The following NALF1 variants were observed in gnomAD, a reference collection of about 807,000 sequenced individuals.
NALF1 encodes family with sequence similarity 155 member A.
NALF1 carries 3 observed loss-of-function variants against 48.4 expected under a neutral mutation model. The ratio of observed to expected loss-of-function variants is 0.06; its 90% CI spans 0.03 to 0.16. The LOEUF (loss-of-function observed/expected upper bound fraction) is 0.16, where lower values mean the gene tolerates loss of function less well. NALF1 is among the 10% of genes least tolerant of loss of function. The pLI, the probability that NALF1 is intolerant of heterozygous loss-of-function variation, is 1.00. For missense variants in NALF1, 526 were observed against 571.5 expected, an observed-to-expected ratio of 0.92 and a Z score of 0.81; for synonymous variants, 262 against 245.7, an observed-to-expected ratio of 1.07 and a Z score of -0.62.
chr13:107,562,730 T>C (rs893592403), intron 1 of NALF1, among the ~76,000 whole-genome samples: 2 of 152,222 alleles, frequency 1.3e-5, no homozygotes, highest in African/African-American at 4.8e-5. Flanking sequence ...GACTATGCCT[T>C]GTGCTCCTGG....
chr13:107,302,317 A>G (rs1473414239), intron 1 of NALF1, among the ~76,000 whole-genome samples: 1 of 152,200 alleles, frequency 6.6e-6, no homozygotes, highest in African/African-American at 2.4e-5. Flanking sequence ...ACCCAGTTTC[A>G]AGTATTCTGT....
At chr13:107,798,562 T>G (rs1054257412) in intron 1 of NALF1, among the ~76,000 whole-genome samples, 1 of 152,214 alleles carries the variant, frequency 6.6e-6, no homozygotes, top group Admixed American at 6.5e-5. Flanking sequence ...CTCGTGTTTG[T>G]GTTCCTCACC....
chr13:107,274,006 A>G (rs376508542), intron 1 of NALF1, among the ~76,000 whole-genome samples: 188 of 150,882 alleles, frequency 1.2e-3, no homozygotes, highest in Middle Eastern at 6.9e-3. Flanking sequence ...CTGAGAAACT[A>G]CATTCACTGA....
chr13:107,778,151 T>G (rs1333661364), intron 1 of NALF1, among the ~76,000 whole-genome samples: 1 of 152,180 alleles, frequency 6.6e-6, no homozygotes, highest in Non-Finnish European at 1.5e-5. Context: ...GGGTGACTGT[T>G]TAACAGGAGT....
chr13:107,498,692 A>C, intron 1 of NALF1, among the ~76,000 whole-genome samples: 1 of 152,196 alleles, frequency 6.6e-6, no homozygotes, highest in East Asian at 1.9e-4. Flanking sequence ...ATGAAAGAAT[A>C]TACTTATGAA....
intron 1 of NALF1, among the ~76,000 whole-genome samples, chr13:107,272,513 C>T (rs373568774): frequency 1.1e-4 from 2 of 18,624 alleles, no homozygotes; most frequent in East Asian, 1.6e-3. Flanking sequence ...CGCGCCCGGC[C>T]TAGAATTTTT....
intron 1 of NALF1, among the ~76,000 whole-genome samples, chr13:107,361,321 C>A (rs1227113135): frequency 6.6e-6 from 1 of 152,054 alleles, no homozygotes; most frequent in East Asian, 1.9e-4. Flanking sequence ...ACCGAATGAA[C>A]AAGAAACTTG....
intron 1 of NALF1, among the ~76,000 whole-genome samples, chr13:107,282,835 T>A (rs1183087207): frequency 6.6e-6 from 1 of 152,224 alleles, no homozygotes; most frequent in Non-Finnish European, 1.5e-5. Context: ...GCTAATCTAC[T>A]TCCCAAATCC....
intron 1 of NALF1, among the ~76,000 whole-genome samples, chr13:107,798,251 C>A (rs983393388): frequency 4.6e-5 from 7 of 152,094 alleles, no homozygotes; most frequent in Non-Finnish European, 8.8e-5. Context: ...CCTTTGCATG[C>A]AAAATTACTT....
intron 1 of NALF1, among the ~76,000 whole-genome samples, chr13:107,487,808 C>T (rs565718496): frequency 3.3e-5 from 5 of 151,902 alleles, no homozygotes; most frequent in Admixed American, 6.6e-5. Flanking sequence ...TGGGTTAGGG[C>T]GGACTCCCTT....
chr13:107,863,967 T>C (rs1412918587), intron 1 of NALF1, among the ~76,000 whole-genome samples: 2 of 152,200 alleles, frequency 1.3e-5, no homozygotes, highest in Admixed American at 1.3e-4. Context: ...GAGGCAAATA[T>C]AATTATTACA....
chr13:107,247,806 C>A (rs1450553584), intron 1 of NALF1, among the ~76,000 whole-genome samples: 2 of 151,994 alleles, frequency 1.3e-5, no homozygotes, highest in Non-Finnish European at 2.9e-5. Context: ...GAAGCAGAAA[C>A]AAATAATAAC....
intron 1 of NALF1, among the ~76,000 whole-genome samples, chr13:107,860,397 A>G (rs886108334): frequency 1.3e-5 from 2 of 152,228 alleles, no homozygotes; most frequent in Non-Finnish European, 2.9e-5. Flanking sequence ...TTCTATATCA[A>G]TTGTCACTGT....
At chr13:107,765,985 T>C (rs540949304) in intron 1 of NALF1, among the ~76,000 whole-genome samples, 1 of 150,336 alleles carries the variant, frequency 6.7e-6, no homozygotes, top group East Asian at 2.0e-4. Context: ...AAAAAATAGC[T>C]ATGTTTTAGC....
intron 1 of NALF1, among the ~76,000 whole-genome samples, chr13:107,495,564 T>C (rs1157553395): frequency 1.3e-5 from 2 of 152,196 alleles, no homozygotes; most frequent in Non-Finnish European, 2.9e-5. Context: ...GTGTCTTGTA[T>C]ACCCTGTAGA....
At position 107,168,037 on chromosome 13, in the gene NALF1, C is replaced by G. The variant is rs553823004; in HGVS notation, c.*2460G>C. On this transcript the variant is annotated 3_prime_UTR_variant, in exon 3 of 3. Transcript: ENST00000375915. Reference sequence around the variant, plus strand: ...TAAAAGTGAGTGGAATTTGCACTTGCATTGTCATTTTCCTGCAAGAATGGA... The same window carrying G: ...TAAAAGTGAGTGGAATTTGCACTTGGATTGTCATTTTCCTGCAAGAATGGA... 6.6e-6 allele frequency: 1 copy of G among 152,356 alleles called. No individual in the cohort carries two copies. Among genetic ancestry groups the G allele is most frequent in the East Asian group, 1.9e-4 (1 of 5,180 alleles). The allele number at this position is 152,356 out of a possible 1,614,324, so 9.4% of individuals were successfully genotyped here.
At chr13:107,503,699 A>G (rs1229817360) in intron 1 of NALF1, among the ~76,000 whole-genome samples, 2 of 151,790 alleles carry the variant, frequency 1.3e-5, no homozygotes, top group African/African-American at 4.8e-5. Context: ...GAAACAACCT[A>G]AATGTCCATC....
intron 1 of NALF1, among the ~76,000 whole-genome samples, chr13:107,376,008 A>C (rs1883329560): frequency 1.3e-5 from 2 of 151,916 alleles, no homozygotes; most frequent in African/African-American, 4.8e-5. Context: ...GTGTTTTGAG[A>C]CTCTGAGGCT....
chr13:107,830,273 A>C (rs890264760), intron 1 of NALF1, among the ~76,000 whole-genome samples: 4 of 152,168 alleles, frequency 2.6e-5, no homozygotes, highest in African/African-American at 9.7e-5. Context: ...CGTTCCTTTA[A>C]ATGTCGTTGT....
Sources: gnomAD v4.1 joint callset for allele counts (sites outside exome capture counted in the v4.1 genomes callset) on GRCh38, gnomAD v4.1.1 for gene constraint, MANE v1.5 for transcripts, NCBI Gene and HGNC (gene_info 2026-07-23, HGNC 2026-07-21) for gene names.